The following EHBP1 variants were observed in gnomAD, a reference collection of about 807,000 sequenced individuals.
EHBP1 encodes EH domain binding protein 1.
In EHBP1, 55 loss-of-function variants were observed where a neutral mutation model predicts 144.0. That is an observed-to-expected ratio of 0.38 (90% CI 0.31 to 0.48). EHBP1 has a LOEUF of 0.48. EHBP1 is among the 20% of genes least tolerant of loss of function. The pLI is 0.98. For synonymous variants in EHBP1, 469 were observed against 472.7 expected (o/e 0.99, Z 0.10); for missense variants, 1,200 against 1,364.2 (o/e 0.88, Z 1.90).
Position 62,689,386 on chromosome 2 carries a change from T to A in EHBP1, c.-296+15303T>A, listed in dbSNP as rs559188864. On this transcript the variant is annotated intron_variant, in intron 1 of 22. Coordinates refer to the EHBP1 transcript ENST00000405015. Reference sequence around the variant, plus strand: ...GGCTTGGTGTGGTGGCTCACGCCTGTAATTCCAGCACTTTGGGAGGCCGAA... The same window carrying A: ...GGCTTGGTGTGGTGGCTCACGCCTGAAATTCCAGCACTTTGGGAGGCCGAA... Among the ~76,000 whole-genome samples, 19 of 152,370 alleles carry A rather than the reference T, an allele frequency of 1.2e-4. No individual in the cohort carries two copies. The South Asian group carries it at 2.1e-3, about 17-fold the overall frequency.
At chr2:63,019,749 G>A (rs1476970645) in intron 19 of EHBP1, among the ~76,000 whole-genome samples, 1 of 143,572 alleles carries the variant, frequency 7.0e-6, no homozygotes, top group African/African-American at 2.6e-5. Flanking sequence ...AGGAGGGGAG[G>A]GAAGAGGAGG....
At chr2:62,782,605 C>T (rs2042518633) in intron 5 of EHBP1, among the ~76,000 whole-genome samples, 1 of 152,124 alleles carries the variant, frequency 6.6e-6, no homozygotes, top group African/African-American at 2.4e-5. Flanking sequence ...CACAGGGTAG[C>T]AGGAGACAGA....
At chr2:62,679,048 A>G (rs1375304921) in intron 1 of EHBP1, among the ~76,000 whole-genome samples, 1 of 152,220 alleles carries the variant, frequency 6.6e-6, no homozygotes, top group Non-Finnish European at 1.5e-5. Flanking sequence ...AAGGCAGCTC[A>G]GCTAGTGAGA....
intron 1 of EHBP1, among the ~76,000 whole-genome samples, chr2:62,675,007 A>G (rs576990498): frequency 1.3e-5 from 2 of 152,152 alleles, no homozygotes; most frequent in Admixed American, 6.5e-5. Context: ...GAGAGGGAGA[A>G]CTTGAGTTCA....
chr2:62,920,810 A>G (rs929660767), intron 10 of EHBP1, among the ~76,000 whole-genome samples: 2 of 151,916 alleles, frequency 1.3e-5, no homozygotes, highest in Non-Finnish European at 2.9e-5. Context: ...TTACAGGCAT[A>G]TACCACCATG....
chr2:62,910,595 GAA>G (rs975436397), intron 10 of EHBP1, among the ~76,000 whole-genome samples: 1 of 145,782 alleles, frequency 6.9e-6, no homozygotes, highest in African/African-American at 2.5e-5. Context: ...TTTGTTGAAT[GAA>G]AAAAAAAAAT....
At chr2:62,907,609 G>T (rs2053904609) in intron 10 of EHBP1, among the ~76,000 whole-genome samples, 1 of 152,140 alleles carries the variant, frequency 6.6e-6, no homozygotes, top group African/African-American at 2.4e-5. Flanking sequence ...CTCTTACAAG[G>T]ACACTAATCC....
chr2:62,990,683 C>T, intron 15 of EHBP1, 33 bp from the exon 16 acceptor site: 1 of 1,607,956 alleles, frequency 6.2e-7, no homozygotes, highest in South Asian at 1.1e-5. Context: ...ATGCATCTCA[C>T]TCAGTTATTC....
At chr2:62,698,829 G>T (rs1289142301) in intron 1 of EHBP1, among the ~76,000 whole-genome samples, 1 of 152,184 alleles carries the variant, frequency 6.6e-6, no homozygotes, top group Non-Finnish European at 1.5e-5. Context: ...CCAGAAGATT[G>T]CCCAAACTGT....
At chr2:62,798,365 CAAA>C (rs139839270) in intron 5 of EHBP1, among the ~76,000 whole-genome samples, 2 of 135,012 alleles carry the variant, frequency 1.5e-5, no homozygotes. Flanking sequence ...GAGACTCCGT[CAAA>C]AAAAAAAAAA....
intron 5 of EHBP1, among the ~76,000 whole-genome samples, chr2:62,791,969 G>A (rs897953898): frequency 1.1e-4 from 17 of 151,910 alleles, no homozygotes; most frequent in Non-Finnish European, 1.6e-4. Context: ...TCTTCATATC[G>A]CTAATTAATT....
chr2:62,706,581 C>T (rs1462651654), intron 1 of EHBP1: 1 of 152,664 alleles, frequency 6.6e-6, no homozygotes, highest in Non-Finnish European at 1.5e-5. Flanking sequence ...CATCCCTAGA[C>T]TTTCCCGCTC....
upstream of EHBP1, among the ~76,000 whole-genome samples, chr2:62,701,377 A>C (rs998616119): frequency 1.4e-4 from 22 of 152,200 alleles, no homozygotes; most frequent in African/African-American, 5.3e-4. Flanking sequence ...TATATATTTT[A>C]TACTTATAGC....
At chr2:62,925,345 AAGG>A (rs2055415619) in intron 10 of EHBP1, among the ~76,000 whole-genome samples, 1 of 152,032 alleles carries the variant, frequency 6.6e-6, no homozygotes. Flanking sequence ...TAGAAGTTCT[AAGG>A]AGAGCAATTA....
intron 10 of EHBP1, among the ~76,000 whole-genome samples, chr2:62,911,846 T>G (rs1486953729): frequency 6.6e-6 from 1 of 152,158 alleles, no homozygotes; most frequent in Non-Finnish European, 1.5e-5. Context: ...TTGCCATGGA[T>G]AGATTTGTCT....
At chr2:62,793,963 A>C (rs944436704) in intron 5 of EHBP1, among the ~76,000 whole-genome samples, 1 of 152,112 alleles carries the variant, frequency 6.6e-6, no homozygotes, top group Non-Finnish European at 1.5e-5. Context: ...TTTGTACACA[A>C]GTCTTAGAAT....
At chr2:62,749,525 G>C (rs566903125) in intron 3 of EHBP1, among the ~76,000 whole-genome samples, 1 of 152,280 alleles carries the variant, frequency 6.6e-6, no homozygotes, top group East Asian at 1.9e-4. Context: ...TGGGTCAAAT[G>C]GTATTTCTAG....
At chr2:62,903,955 A>T (rs540239421) in intron 10 of EHBP1, among the ~76,000 whole-genome samples, 3 of 152,310 alleles carry the variant, frequency 2.0e-5, no homozygotes, top group African/African-American at 7.2e-5. Context: ...TACATATCTT[A>T]CTTCCACCAC....
intron 10 of EHBP1, 129 bp downstream of exon 10, chr2:62,874,661 A>G (rs902078847): frequency 1.4e-6 from 1 of 732,016 alleles, no homozygotes; most frequent in Admixed American, 3.0e-5. Flanking sequence ...AAGACAATCT[A>G]TTGTACTGCA....
Sources: gnomAD v4.1 joint callset for allele counts (sites outside exome capture counted in the v4.1 genomes callset) on GRCh38, gnomAD v4.1.1 for gene constraint, MANE v1.5 for transcripts, NCBI Gene and HGNC (gene_info 2026-07-23, HGNC 2026-07-21) for gene names.